Variants in COBL observed in about 807,000 individuals in gnomAD.
The protein encoded by COBL is protein cordon-bleu.
In COBL, 51 loss-of-function variants were observed where a neutral mutation model predicts 98.8. That is an observed-to-expected ratio of 0.52 (90% CI 0.41 to 0.65). The LOEUF is 0.65. Among genes scored for constraint, COBL ranks in the 30% least tolerant of loss-of-function variants. COBL has a pLI of 0.00. For missense variants in COBL, 1,617 were observed against 1,617.5 expected (o/e 1.00, Z 0.01); for synonymous variants, 634 against 651.7 (o/e 0.97, Z 0.41).
At position 51,025,097 on chromosome 7, in the gene COBL, A is replaced by G; in HGVS notation, c.3768+12T>C. ...TGGCCCCATTGAAATGCGCACACACAGTCGCCATCACCTTTCTCAGTCTCG... is the reference window on the plus strand; with the variant it reads ...TGGCCCCATTGAAATGCGCACACACGGTCGCCATCACCTTTCTCAGTCTCG... On this transcript the variant is annotated intron_variant, in intron 12 of 12. Transcript: ENST00000265136. 1 of 1,611,918 alleles carries G rather than the reference A, an allele frequency of 6.2e-7. No homozygotes were observed. The highest frequency in any genetic ancestry group is 8.5e-7 in the Non-Finnish European group (1 of 1,179,840).
At chr7:51,309,694 G>A (rs1002487283) in intron 1 of COBL, among the ~76,000 whole-genome samples, 1 of 152,212 alleles carries the variant, frequency 6.6e-6, no homozygotes, top group African/African-American at 2.4e-5. Flanking sequence ...TGAGTCTTAA[G>A]ATCATGTTAT....
At chr7:51,063,431 G>A (rs931996476) in intron 7 of COBL, among the ~76,000 whole-genome samples, 1 of 152,202 alleles carries the variant, frequency 6.6e-6, no homozygotes, top group African/African-American at 2.4e-5. Context: ...CACTGTGCCC[G>A]GCCTAACATT....
At chr7:51,236,398 G>C (rs780793615) in intron 1 of COBL, among the ~76,000 whole-genome samples, 1 of 152,216 alleles carries the variant, frequency 6.6e-6, no homozygotes, top group Non-Finnish European at 1.5e-5. Context: ...GGACAGGACA[G>C]GGCAGGGCTC....
chr7:51,283,451 G>A (rs1042980695), intron 1 of COBL, among the ~76,000 whole-genome samples: 44 of 152,246 alleles, frequency 2.9e-4, no homozygotes, highest in African/African-American at 1.0e-3. Flanking sequence ...TAATTCAAAT[G>A]TACCCATTTA....
chr7:51,295,314 G>A (rs1051674891), intron 1 of COBL, among the ~76,000 whole-genome samples: 1 of 150,722 alleles, frequency 6.6e-6, no homozygotes, highest in East Asian at 1.9e-4. Flanking sequence ...TACATGACAG[G>A]TTAGTAGGTG....
intron 1 of COBL, among the ~76,000 whole-genome samples, chr7:51,301,029 G>C (rs188041819): frequency 1.3e-5 from 2 of 152,132 alleles, no homozygotes; most frequent in East Asian, 1.9e-4. Context: ...TGTGTCCCAC[G>C]TGCCTCACTG....
intron 5 of COBL, among the ~76,000 whole-genome samples, chr7:51,167,471 T>A (rs2129040318): frequency 6.6e-6 from 1 of 152,074 alleles, no homozygotes; most frequent in East Asian, 1.9e-4. Context: ...AAATATTCCA[T>A]GCTTATGTAT....
intron 7 of COBL, among the ~76,000 whole-genome samples, chr7:51,057,027 T>A (rs538686156): frequency 6.6e-6 from 1 of 152,322 alleles, no homozygotes; most frequent in South Asian, 2.1e-4. Context: ...TGTCCCACCA[T>A]GAATGGGAAT....
At chr7:51,018,592 C>G (rs1432189362) in intron 12 of COBL, among the ~76,000 whole-genome samples, 1 of 151,890 alleles carries the variant, frequency 6.6e-6, no homozygotes, top group Non-Finnish European at 1.5e-5. Context: ...AATTCGTCAA[C>G]TTTCTTAAAA....
At chr7:51,288,434 A>AG (rs1455797528) in intron 1 of COBL, among the ~76,000 whole-genome samples, 29 of 147,348 alleles carry the variant, frequency 2.0e-4, no homozygotes, top group African/African-American at 1.8e-4. Flanking sequence ...AAAAAAAAAA[A>AG]AAAGAAAGAA....
At chr7:51,026,866 C>A (rs1787623673) in intron 10 of COBL, among the ~76,000 whole-genome samples, 1 of 152,072 alleles carries the variant, frequency 6.6e-6, no homozygotes, top group East Asian at 1.9e-4. Context: ...CCACTGTACT[C>A]CAGCCTGGGC....
chr7:51,082,996 A>T, intron 7 of COBL: 1 of 1,461,952 alleles, frequency 6.8e-7, no homozygotes, highest in Non-Finnish European at 9.3e-7. Context: ...CCCAGCCCTG[A>T]CATCGCAGTG....
intron 7 of COBL, among the ~76,000 whole-genome samples, chr7:51,061,393 A>C (rs950166289): frequency 6.6e-6 from 1 of 152,116 alleles, no homozygotes; most frequent in African/African-American, 2.4e-5. Context: ...GGAGAGAGTA[A>C]ACATCAACTC....
chr7:51,187,884 C>A, intron 4 of COBL: 2 of 1,230,758 alleles, frequency 1.6e-6, no homozygotes, highest in Non-Finnish European at 2.0e-6. Flanking sequence ...AGCCTCACAG[C>A]GGGAGCGGGA....
chr7:51,217,434 C>T (rs919355400), intron 2 of COBL, among the ~76,000 whole-genome samples: 1 of 150,408 alleles, frequency 6.6e-6, no homozygotes, highest in African/African-American at 2.5e-5. Flanking sequence ...CTCCATCTCC[C>T]GGGTTCAAGT....
At chr7:51,039,695 T>C (rs1243144221) in intron 8 of COBL, among the ~76,000 whole-genome samples, 8 of 152,336 alleles carry the variant, frequency 5.3e-5, no homozygotes, top group Non-Finnish European at 1.2e-4. Context: ...AGCAAAGTAA[T>C]CTTGTTTCTC....
At chr7:51,093,680 C>T (rs1336354873) in intron 6 of COBL, among the ~76,000 whole-genome samples, 1 of 152,082 alleles carries the variant, frequency 6.6e-6, no homozygotes, top group Non-Finnish European at 1.5e-5. Context: ...CTCTTGAAGC[C>T]AGGAGTTTGA....
chr7:51,193,715 G>A, intron 2 of COBL, 126 bp from the exon 3 acceptor site: 1 of 784,644 alleles, frequency 1.3e-6, no homozygotes, highest in Non-Finnish European at 2.1e-6. Flanking sequence ...TATGAAAAAA[G>A]ACAACAGAAG....
chr7:51,026,516 T>G, intron 11 of COBL, 30 bp downstream of exon 11: 1 of 1,609,032 alleles, frequency 6.2e-7, no homozygotes, highest in Non-Finnish European at 8.5e-7. Flanking sequence ...TTTGAGCTCC[T>G]GGCGCCATGG....
Sources: gnomAD v4.1 joint callset for allele counts (sites outside exome capture counted in the v4.1 genomes callset) on GRCh38, gnomAD v4.1.1 for gene constraint, MANE v1.5 for transcripts, NCBI Gene and HGNC (gene_info 2026-07-23, HGNC 2026-07-21) for gene names.